The following DCPS variants were observed in gnomAD, a reference collection of about 807,000 sequenced individuals.
DCPS encodes m7GpppX diphosphatase.
A neutral mutation model predicts 34.7 loss-of-function variants in DCPS; 27 were observed. The observed-to-expected ratio is 0.78, with a 90% CI of 0.57 to 1.07. The LOEUF (loss-of-function observed/expected upper bound fraction) is 1.07. DCPS is among the 50% of genes least tolerant of loss of function. DCPS has a pLI of 0.00. For missense variants in DCPS, 464 were observed against 436.9 expected (o/e 1.06, Z -0.55); for synonymous variants, 185 against 185.7 (o/e 1.00, Z 0.03).
Position 126,343,412 on chromosome 11 carries a change from G to A in DCPS, c.742G>A (p.Gly248Arg). ...GCTGCTCAGGAACATCCTCCACCAG[G>A]GGCAGGTGAGTGGCTTCACCAAACC... ...LPLLRNILHQ[G>R]QEAILQRYRM... The change falls in exon 5 of 6, where the codon GGG becomes AGG. Residue 248 changes from glycine (G) to arginine (R), a missense_variant. By Grantham distance (125) the Gly-to-Arg change is moderately radical. Coordinates refer to ENST00000263579, the MANE Select transcript of DCPS (RefSeq NM_014026.6). The A allele has an allele frequency of 6.2e-7, 1 of 1,612,704 alleles. No individual in the cohort carries two copies.
Position 126,337,922 on chromosome 11 carries a change from TC to T in DCPS, c.523-362del, listed in dbSNP as rs1359673575. ...CCATGGAGGCAGCTCTTCCCCTGAGTCCTGTGAGCGGTGGAGGGGGTCACTG... is the reference window on the plus strand; with the variant it reads ...CCATGGAGGCAGCTCTTCCCCTGAGTCTGTGAGCGGTGGAGGGGGTCACTG... On this transcript the variant is annotated intron_variant, in intron 3 of 5. Coordinates refer to ENST00000263579, the MANE Select transcript of DCPS (RefSeq NM_014026.6). The surrounding 1 kb of genome is among the most constrained non-coding windows in gnomAD (Gnocchi z 5.3). 4 of 224,892 alleles carry T rather than the reference TC, an allele frequency of 1.8e-5. No individual in the cohort carries two copies. Among genetic ancestry groups the T allele is most frequent in the Non-Finnish European group, 3.6e-5 (4 of 111,598 alleles). 13.9% of individuals were successfully genotyped at this position (224,892 alleles called of 1,614,324 possible). A position where few individuals can be genotyped will look rare whatever the true frequency, so the allele number is the denominator to read the frequency against.
In DCPS at chr11:126,329,702, T is replaced by C. The variant is rs1384372360; in HGVS notation, c.377-1703T>C. Among the ~76,000 whole-genome samples, 3 of 152,238 alleles carry C rather than the reference T, an allele frequency of 2.0e-5. No homozygotes were observed. Among genetic ancestry groups the C allele is most frequent in the Non-Finnish European group, 2.9e-5 (2 of 68,040 alleles). ...GCCTCTGCCACGTTTCACGGTGTGATACTGGATGACTCTTTTGAGTCCCAG... is the reference window on the plus strand; with the variant it reads ...GCCTCTGCCACGTTTCACGGTGTGACACTGGATGACTCTTTTGAGTCCCAG... On this transcript the variant is annotated intron_variant, in intron 2 of 5. Coordinates refer to ENST00000263579, the MANE Select transcript of DCPS (RefSeq NM_014026.6). The surrounding 1 kb of genome is among the most constrained non-coding windows in gnomAD (Gnocchi z 5.0).
At position 126,349,585 on chromosome 11, in the gene DCPS, G is replaced by T. The variant is rs751015515; in HGVS notation, c.*3972G>T. Among the ~76,000 whole-genome samples the T allele has an allele frequency of 6.6e-6, 1 of 152,050 alleles. No individual in the cohort carries two copies. The highest frequency in any genetic ancestry group is 2.1e-4 in the South Asian group (1 of 4,832). ...ATGTCCCTGTTGAATACAGATCCCC[G>T]AACTGAGAAATAAGAAACAACTACA... On this transcript the variant is annotated 3_prime_UTR_variant, in exon 6 of 6. Coordinates refer to ENST00000263579, the MANE Select transcript of DCPS (RefSeq NM_014026.6). This position sits in a 1 kb window ranked among gnomAD's most constrained non-coding sequence, Gnocchi z 5.4.
rs1207586136 is a variant in DCPS, at chr11:126,329,087, GGGCCAA to G, written c.377-2315_377-2310del. The stretch of plus-strand genomic sequence containing the variant: ...TGGATTTCCCTCAGGTCCACTGCAA[GGGCCAA>G]GGTGGTGCCGTTCAGTCTACTTCAA... On this transcript the variant is annotated intron_variant, in intron 2 of 5. Coordinates refer to ENST00000263579, the MANE Select transcript of DCPS (RefSeq NM_014026.6). The surrounding 1 kb of genome is among the most constrained non-coding windows in gnomAD (Gnocchi z 5.0). 1.3e-5 allele frequency among the ~76,000 whole-genome samples: 2 copies of G among 152,158 alleles called. No homozygotes were observed. Among genetic ancestry groups the G allele is most frequent in the Admixed American group, 1.3e-4 (2 of 15,266 alleles).
rs1284295831 is a variant in DCPS, at chr11:126,345,415, C to T, written c.816C>T (p.Ser272=). 6.2e-7 allele frequency: 1 copy of T among 1,614,076 alleles called. No homozygotes were observed. The highest frequency in any genetic ancestry group is 8.5e-7 in the Non-Finnish European group (1 of 1,180,032). ...HLRVYLHYLP[S]YYHLHVHFTA... ...GAGTATACCTGCACTACCTGCCCTCCTACTACCACCTGCATGTGCACTTCA... is the reference window on the plus strand; with the variant it reads ...GAGTATACCTGCACTACCTGCCCTCTTACTACCACCTGCATGTGCACTTCA... The change falls in exon 6 of 6, where the codon TCC becomes TCT. Residue 272 remains serine, a synonymous_variant. Coordinates refer to ENST00000263579, the MANE Select transcript of DCPS (RefSeq NM_014026.6). This position sits in a 1 kb window ranked among gnomAD's most constrained non-coding sequence, Gnocchi z 7.4.
intron 4 of DCPS, chr11:126,341,512 C>T (rs1171049049): frequency 6.6e-6 from 1 of 152,276 alleles, no homozygotes; most frequent in East Asian, 1.9e-4. Context: ...ACACCCAGCA[C>T]CAGGCTCCAT....
rs572540950 is a variant in DCPS, at chr11:126,319,439, G to A, written c.377-11966G>A. Among the ~76,000 whole-genome samples, 18 of 152,236 alleles carry A rather than the reference G, an allele frequency of 1.2e-4. No homozygotes were observed. The highest frequency in any genetic ancestry group is 2.4e-4 in the Non-Finnish European group (16 of 68,016). ...TGCTCCCCCCAGAACCTGCTGTCCC[G>A]CAGCATTTGGCCACAGTATCCCCTG... On this transcript the variant is annotated intron_variant, in intron 2 of 5. Coordinates refer to ENST00000263579, the MANE Select transcript of DCPS (RefSeq NM_014026.6). This position sits in a 1 kb window ranked among gnomAD's most constrained non-coding sequence, Gnocchi z 4.5.
rs878961903 is a variant in DCPS at position 126,313,215 on chromosome 11, A to C, written c.376+6471A>C. 6.6e-6 allele frequency among the ~76,000 whole-genome samples: 1 copy of C among 151,956 alleles called. No individual in the cohort carries two copies. The highest frequency in any genetic ancestry group is 2.1e-4 in the South Asian group (1 of 4,822). On this transcript the variant is annotated intron_variant, in intron 2 of 5. Coordinates refer to ENST00000263579, the MANE Select transcript of DCPS (RefSeq NM_014026.6). The surrounding 1 kb of genome is among the most constrained non-coding windows in gnomAD (Gnocchi z 4.9). Reference sequence around the variant, plus strand: ...ATTTGTGAGTGAGGCCAGGGCGGGGAGCAGAGGGGTGGGATCCTGGGAATC... The same window carrying C: ...ATTTGTGAGTGAGGCCAGGGCGGGGCGCAGAGGGGTGGGATCCTGGGAATC...
Position 126,316,279 on chromosome 11 carries a change from C to T in DCPS, c.376+9535C>T, listed in dbSNP as rs140540462. Among the ~76,000 whole-genome samples, 352 of 151,894 alleles carry T rather than the reference C, an allele frequency of 2.3e-3. 4 individuals are homozygous for T. Among genetic ancestry groups the T allele is most frequent in the African/African-American group, 8.0e-3 (332 of 41,356 alleles). ...GCCCAGGACAGCTTTGAATGCGGCC[C>T]GACACAAATGTATAAACTTTCTTAA... On this transcript the variant is annotated intron_variant, in intron 2 of 5. Coordinates refer to ENST00000263579, the MANE Select transcript of DCPS (RefSeq NM_014026.6).
Position 126,343,337 on chromosome 11 carries a change from C to T in DCPS, c.667C>T (p.His223Tyr). 6.2e-7 allele frequency: 1 copy of T among 1,613,988 alleles called. No homozygotes were observed. Among genetic ancestry groups the T allele is most frequent in the Non-Finnish European group, 8.5e-7 (1 of 1,179,966 alleles). Residue 223 changes from histidine to tyrosine, a missense_variant, in exon 5 of 6, where the codon CAT (histidine) becomes TAT (tyrosine). Coordinates refer to ENST00000263579, the MANE Select transcript of DCPS (RefSeq NM_014026.6). The part of the protein sequence containing the change: ...LDDLYLIAIC[H>Y]RRGIRSLRDL... Reference sequence around the variant, plus strand: ...TGACTTGTACTTGATCGCCATCTGCCATCGCCGGGGCATCAGATCCCTACG... The same window carrying T: ...TGACTTGTACTTGATCGCCATCTGCTATCGCCGGGGCATCAGATCCCTACG...
At position 126,336,115 on chromosome 11, in the gene DCPS, CAAAA is replaced by C; in HGVS notation, c.523-2155_523-2152del. ...TGGGCGAAAGAGCAAGACTCCATCT[CAAAA>C]AAAAAAAAAAAAAAATGGCGACAAT... is the stretch of plus-strand genomic sequence containing the variant. On this transcript the variant is annotated intron_variant, in intron 3 of 5. Transcript: ENST00000263579. This position sits in a 1 kb window ranked among gnomAD's most constrained non-coding sequence, Gnocchi z 6.3. 9.2e-6 allele frequency among the ~76,000 whole-genome samples: 1 copy of C among 109,138 alleles called. No homozygotes were observed. Among genetic ancestry groups the C allele is most frequent in the African/African-American group, 3.6e-5 (1 of 28,134 alleles). The allele number at this position is 109,138 out of a possible 152,430, so 71.6% of individuals were successfully genotyped here. A position where few individuals can be genotyped will look rare whatever the true frequency, so the allele number is the denominator to read the frequency against.
rs1371227384 is a variant in DCPS at position 126,343,338 on chromosome 11, A to T, written c.668A>T (p.His223Leu). ...LDDLYLIAIC[H>L]RRGIRSLRDL... ...GACTTGTACTTGATCGCCATCTGCC[A>T]TCGCCGGGGCATCAGATCCCTACGC... is the stretch of plus-strand genomic sequence containing the variant. Residue 223 changes from histidine to leucine, a missense_variant, in exon 5 of 6, where the codon CAT becomes CTT. Coordinates refer to ENST00000263579, the MANE Select transcript of DCPS (RefSeq NM_014026.6). The T allele has an allele frequency of 6.2e-7, 1 of 1,613,950 alleles. No individual in the cohort carries two copies. Among genetic ancestry groups the T allele is most frequent in the East Asian group, 2.2e-5 (1 of 44,852 alleles).
Position 126,343,402 on chromosome 11 carries a change from C to T in DCPS, c.732C>T (p.Ile244=), listed in dbSNP as rs779534271. The change falls in exon 5 of 6, where the codon ATC becomes ATT. Residue 244 remains isoleucine, a synonymous_variant. Transcript: ENST00000263579. Reference sequence around the variant, plus strand: ...AGCACTTGCCGCTGCTCAGGAACATCCTCCACCAGGGGCAGGTGAGTGGCT... The same window carrying T: ...AGCACTTGCCGCTGCTCAGGAACATTCTCCACCAGGGGCAGGTGAGTGGCT... ...TPEHLPLLRN[I]LHQGQEAILQ... is the part of the protein sequence containing the mutation. The T allele has an allele frequency of 6.2e-7, 1 of 1,613,484 alleles. No individual in the cohort carries two copies. The highest frequency in any genetic ancestry group is 1.1e-5 in the South Asian group (1 of 90,956).
In DCPS at chr11:126,345,223, AG is replaced by A; in HGVS notation, c.748-121del. 1.5e-6 allele frequency: 2 copies of A among 1,350,190 alleles called. No individual in the cohort carries two copies. Among genetic ancestry groups the A allele is most frequent in the South Asian group, 2.7e-5 (2 of 74,024 alleles). The allele number at this position is 1,350,190 out of a possible 1,614,324, so 83.6% of individuals were successfully genotyped here. ...AGACAGCAGGTAGAGAGCTGTTTGG[AG>A]GGTTTTTGTGAGCTGTCCCAGGCCA... On this transcript the variant is annotated intron_variant, in intron 5 of 5. Transcript: ENST00000263579. The surrounding 1 kb of genome is among the most constrained non-coding windows in gnomAD (Gnocchi z 7.4).
chr11:126,348,302 G>C lies in DCPS; in HGVS notation c.*2689G>C, dbSNP rs1951955999. Among the ~76,000 whole-genome samples, 1 of 152,144 alleles carries C rather than the reference G, an allele frequency of 6.6e-6. No homozygotes were observed. The highest frequency in any genetic ancestry group is 1.5e-5 in the Non-Finnish European group (1 of 68,026). On this transcript the variant is annotated 3_prime_UTR_variant, in exon 6 of 6. Coordinates refer to ENST00000263579, the MANE Select transcript of DCPS (RefSeq NM_014026.6). This position sits in a 1 kb window ranked among gnomAD's most constrained non-coding sequence, Gnocchi z 5.3. ...TGTGGGGAGGAGCCTCTCTGGGATA[G>C]CGTCCCCTCACTCCTCTCCCAGCCT...
chr11:126,330,661 C>G (rs1459747100), intron 2 of DCPS, among the ~76,000 whole-genome samples: 12 of 128,812 alleles, frequency 9.3e-5, no homozygotes, highest in African/African-American at 3.4e-4. Context: ...CACTGCCCAT[C>G]ATTAAGGGGA....
intron 2 of DCPS, among the ~76,000 whole-genome samples, chr11:126,330,993 C>G (rs1229128162): frequency 6.6e-6 from 1 of 151,944 alleles, no homozygotes; most frequent in East Asian, 1.9e-4. Context: ...GCCTCGGCCT[C>G]CCAAAGTGCT....
rs1951754384 is a variant in DCPS, at chr11:126,328,132, T to C, written c.377-3273T>C. ...GGAGCCCATGGCTGACGCGAGTTAGTGGGTCAGTGGGGAGCCGGCGCGGCT... is the reference window on the plus strand; with the variant it reads ...GGAGCCCATGGCTGACGCGAGTTAGCGGGTCAGTGGGGAGCCGGCGCGGCT... On this transcript the variant is annotated intron_variant, in intron 2 of 5. Transcript: ENST00000263579. The surrounding 1 kb of genome is among the most constrained non-coding windows in gnomAD (Gnocchi z 6.6). Among the ~76,000 whole-genome samples the C allele has an allele frequency of 6.6e-6, 1 of 151,806 alleles. No homozygotes were observed. The highest frequency in any genetic ancestry group is 1.5e-5 in the Non-Finnish European group (1 of 67,942).
In DCPS at chr11:126,333,928, G is replaced by A. The variant is rs1951811002; in HGVS notation, c.522+2378G>A. 6.6e-6 allele frequency among the ~76,000 whole-genome samples: 1 copy of A among 151,986 alleles called. No homozygotes were observed. On this transcript the variant is annotated intron_variant, in intron 3 of 5. Coordinates refer to ENST00000263579, the MANE Select transcript of DCPS (RefSeq NM_014026.6). This position sits in a 1 kb window ranked among gnomAD's most constrained non-coding sequence, Gnocchi z 5.7. ...ACAACCATCAGATGTGAGAACAGTTGCCATAGGCAGTGAGGGTGCCCTAAA... is the reference window on the plus strand; with the variant it reads ...ACAACCATCAGATGTGAGAACAGTTACCATAGGCAGTGAGGGTGCCCTAAA...
Sources: allele counts gnomAD v4.1 joint callset (sites outside exome capture counted in the v4.1 genomes callset), GRCh38; gene constraint gnomAD v4.1.1; non-coding constraint Gnocchi (gnomAD v3.1); transcripts MANE v1.5; gene names NCBI Gene and HGNC (gene_info 2026-07-23, HGNC 2026-07-21).